Variants in LZTFL1 observed in about 807,000 individuals in gnomAD.
LZTFL1 encodes the protein leucine zipper transcription factor-like protein 1.
In LZTFL1, 25 loss-of-function variants were observed where a neutral mutation model predicts 45.9. The ratio of observed to expected loss-of-function variants is 0.54; its 90% confidence interval spans 0.40 to 0.76. The LOEUF is 0.76. Ranked by LOEUF, LZTFL1 falls within the 30% of genes least tolerant of loss-of-function variation. The probability of loss-of-function intolerance (pLI) is 0.00; values close to 1 mark genes in which losing one functional copy is unlikely to be tolerated. For missense variants in LZTFL1, 277 were observed against 331.1 expected (o/e 0.84, Z 1.27); for synonymous variants, 93 against 117.4 (o/e 0.79, Z 1.35).
chr3:45,855,517 C>G (rs1701377922), intron 3 of LZTFL1, among the ~76,000 whole-genome samples: 1 of 152,152 alleles, frequency 6.6e-6, no homozygotes, highest in African/African-American at 2.4e-5. Context: ...CAAGGATGCC[C>G]TCTCTCACCA....
At chr3:45,887,510 A>T (rs982837457) in intron 2 of LZTFL1, among the ~76,000 whole-genome samples, 3 of 152,160 alleles carry the variant, frequency 2.0e-5, no homozygotes, top group African/African-American at 7.2e-5. Flanking sequence ...TACCCTCTTT[A>T]GTTCTGAATT....
intron 3 of LZTFL1, 131 bp from the exon 4 acceptor site, chr3:45,834,429 CA>C (rs1700912372): frequency 1.8e-6 from 1 of 557,070 alleles, no homozygotes; most frequent in Non-Finnish European, 3.2e-6. Flanking sequence ...CAAACTTCAC[CA>C]TATCAAAAAT....
At chr3:45,844,599 T>C (rs1383251582), upstream of LZTFL1, among the ~76,000 whole-genome samples, 1 of 152,226 alleles carries the variant, frequency 6.6e-6, no homozygotes, top group Non-Finnish European at 1.5e-5. Context: ...ACAGGATCTT[T>C]GCAGCATGGC....
chr3:45,835,122 T>G (rs1440086372), intron 3 of LZTFL1: 1 of 152,540 alleles, frequency 6.6e-6, no homozygotes, highest in East Asian at 1.9e-4. Flanking sequence ...TATTATAAGC[T>G]TTTTTGTATA....
chr3:45,895,644 G>T (rs573661061), intron 2 of LZTFL1, among the ~76,000 whole-genome samples: 5 of 152,084 alleles, frequency 3.3e-5, no homozygotes, highest in Admixed American at 6.5e-5. Flanking sequence ...AGCCTGGGAG[G>T]TGGAGGTTGC....
rs892317598 is a variant in LZTFL1, at chr3:45,823,952, G to A, written c.*2362C>T. 9 of 152,176 alleles carry A rather than the reference G, an allele frequency of 5.9e-5. No homozygotes were observed. Among genetic ancestry groups the A allele is most frequent in the Non-Finnish European group, 1.0e-4 (7 of 68,030 alleles). 9.4% of individuals were successfully genotyped at this position (152,176 alleles called of 1,614,324 possible). A position where few individuals can be genotyped will look rare whatever the true frequency, so the allele number is the denominator to read the frequency against. ...AAGATTACACAGTCAAGGTAGGGCA[G>A]TATTTTTCTTATGCTGAGTTTTATA... is the stretch of plus-strand genomic sequence containing the variant. On this transcript the variant is annotated 3_prime_UTR_variant, in exon 10 of 10. Transcript: ENST00000296135.
chr3:45,915,104 G>T (rs1272578133), intron 1 of LZTFL1, among the ~76,000 whole-genome samples: 1 of 152,138 alleles, frequency 6.6e-6, no homozygotes. Flanking sequence ...TGCCTTTGGT[G>T]TCTGTTCCCT....
chr3:45,908,453 A>G lies in LZTFL1; in HGVS notation c.-215+4667T>C, dbSNP rs112146578. ...AGGCGTGGTGCTCATGAAACTCACA[A>G]TCACAGACCCAAGTCACACCATCAC... On this transcript the variant is annotated intron_variant, in intron 2 of 4. Transcript: ENST00000472635. Among the ~76,000 whole-genome samples the G allele has an allele frequency of 6.2e-3, 941 of 152,328 alleles. 11 individuals are homozygous for G. The highest frequency in any genetic ancestry group is 0.02 in the African/African-American group (847 of 41,576).
At chr3:45,847,421 A>G (rs1701235659) in intron 4 of LZTFL1, among the ~76,000 whole-genome samples, 1 of 152,164 alleles carries the variant, frequency 6.6e-6, no homozygotes, top group Non-Finnish European at 1.5e-5. Flanking sequence ...ATGTGCAATG[A>G]GCCTTAAAGG....
intron 3 of LZTFL1, among the ~76,000 whole-genome samples, chr3:45,855,482 G>C (rs1701377512): frequency 1.3e-5 from 2 of 152,138 alleles, no homozygotes; most frequent in African/African-American, 4.8e-5. Context: ...AGCTGAAACT[G>C]TTCCCCTTGA....
At chr3:45,834,176 G>T in intron 4 of LZTFL1, 62 bp downstream of exon 4, 1 of 900,532 alleles carries the variant, frequency 1.1e-6, no homozygotes, top group Non-Finnish European at 1.7e-6. Flanking sequence ...AATTCTTTGA[G>T]CAACTTGAGG....
At chr3:45,894,086 A>G (rs972648670) in intron 2 of LZTFL1, among the ~76,000 whole-genome samples, 1 of 152,214 alleles carries the variant, frequency 6.6e-6, no homozygotes, top group African/African-American at 2.4e-5. Context: ...GCCCCAGCTC[A>G]GGCACAGACT....
rs1280468591 is a variant in LZTFL1, at chr3:45,901,746, G to A, written c.-215+11374C>T. ...CCTGAACCCTGTTCTCTATGTTTTTGTGGGTGAGAGATTCCGCCGGGATCT... is the reference window on the plus strand; with the variant it reads ...CCTGAACCCTGTTCTCTATGTTTTTATGGGTGAGAGATTCCGCCGGGATCT... On this transcript the variant is annotated intron_variant, in intron 2 of 4. Transcript: ENST00000472635. The surrounding 1 kb of genome is among the most constrained non-coding windows in gnomAD (Gnocchi z 4.3). 1 of 1,614,160 alleles carries A rather than the reference G, an allele frequency of 6.2e-7. No homozygotes were observed. The highest frequency in any genetic ancestry group is 8.5e-7 in the Non-Finnish European group (1 of 1,180,034).
chr3:45,830,339 C>T (rs1055979729), intron 7 of LZTFL1, among the ~76,000 whole-genome samples: 1 of 152,156 alleles, frequency 6.6e-6, no homozygotes, highest in East Asian at 1.9e-4. Context: ...TTCCCGCAGG[C>T]GGAGTGACAT....
rs757490026 is a variant in LZTFL1 at position 45,901,644 on chromosome 3, A to C, written c.-215+11476T>G. The C allele has an allele frequency of 6.2e-7, 1 of 1,614,152 alleles. No homozygotes were observed. The highest frequency in any genetic ancestry group is 1.1e-5 in the South Asian group (1 of 91,090). On this transcript the variant is annotated intron_variant, in intron 2 of 4. Coordinates refer to the LZTFL1 transcript ENST00000472635. This position sits in a 1 kb window ranked among gnomAD's most constrained non-coding sequence, Gnocchi z 4.3. The stretch of plus-strand genomic sequence containing the variant: ...GACCATTGACGCCTATGCCATGTTC[A>C]TCTCCAACTGTGCCGTTTCCACCAA...
At position 45,848,476 on chromosome 3, in the gene LZTFL1, A is replaced by G. The variant is rs1245365377; in HGVS notation, c.-49+6510T>C. 2.6e-5 allele frequency among the ~76,000 whole-genome samples: 4 copies of G among 152,374 alleles called. No homozygotes were observed. In the East Asian group the frequency reaches 7.7e-4, roughly 29 times the overall value. ...GTATTGCGCTACACACAAAATATGC[A>G]AGAACTGCTGGAAATCACTTTTTTA... On this transcript the variant is annotated intron_variant, in intron 4 of 4. Transcript: ENST00000472635.
intron 2 of LZTFL1, among the ~76,000 whole-genome samples, chr3:45,870,609 A>C (rs1701657022): frequency 6.6e-6 from 1 of 152,248 alleles, no homozygotes; most frequent in African/African-American, 2.4e-5. Context: ...TATTTGTACA[A>C]ATACAAAGCC....
intron 2 of LZTFL1, chr3:45,897,758 T>C: frequency 3.3e-6 from 2 of 609,794 alleles, no homozygotes; most frequent in East Asian, 3.0e-5. Context: ...TCCCTTGCCT[T>C]CTTCTTTCTT....
chr3:45,837,201 A>C (rs1215103407), intron 2 of LZTFL1, among the ~76,000 whole-genome samples: 1 of 152,236 alleles, frequency 6.6e-6, no homozygotes, highest in Admixed American at 6.5e-5. Context: ...TTATTAAAAT[A>C]TTAATAATCT....
Sources: allele counts gnomAD v4.1 joint callset (sites outside exome capture counted in the v4.1 genomes callset), GRCh38; gene constraint gnomAD v4.1.1; non-coding constraint Gnocchi (gnomAD v3.1); transcripts MANE v1.5; gene names NCBI Gene and HGNC (gene_info 2026-07-23, HGNC 2026-07-21).